LYPD6: variants seen among roughly 807,000 people sequenced by gnomAD.
LYPD6 encodes the protein ly6/PLAUR domain-containing protein 6.
A neutral mutation model predicts 22.7 loss-of-function variants in LYPD6; 15 were observed. The observed-to-expected ratio is 0.66, with a 90% CI of 0.44 to 1.02. The LOEUF (loss-of-function observed/expected upper bound fraction) is 1.02. LYPD6 is among the 50% of genes least tolerant of loss of function. The pLI, the probability that LYPD6 is intolerant of heterozygous loss-of-function variation, is 0.00. For synonymous variants in LYPD6, 72 were observed against 77.5 expected (o/e 0.93, Z 0.37); for missense variants, 189 against 208.4 (o/e 0.91, Z 0.57).
chr2:149,355,516 G>C (rs1681433486), intron 1 of LYPD6, among the ~76,000 whole-genome samples: 1 of 152,076 alleles, frequency 6.6e-6, no homozygotes, highest in African/African-American at 2.4e-5. Context: ...ATGTTATCTT[G>C]AGATTGCATT....
At chr2:149,420,551 A>C (rs1168624559) in intron 1 of LYPD6, among the ~76,000 whole-genome samples, 1 of 152,178 alleles carries the variant, frequency 6.6e-6, no homozygotes, top group Non-Finnish European at 1.5e-5. Flanking sequence ...TTCAAGGGTA[A>C]CACCAGACAA....
chr2:149,452,451 T>A (rs1450765651), intron 3 of LYPD6, among the ~76,000 whole-genome samples: 1 of 152,152 alleles, frequency 6.6e-6, no homozygotes, highest in Non-Finnish European at 1.5e-5. Context: ...AACTCTAGAT[T>A]TTTCTGTTAG....
At chr2:149,421,907 T>C (rs1683089381) in intron 1 of LYPD6, among the ~76,000 whole-genome samples, 1 of 152,174 alleles carries the variant, frequency 6.6e-6, no homozygotes, top group Non-Finnish European at 1.5e-5. Context: ...ACTAATTTGC[T>C]TCACTTCTGC....
At chr2:149,438,825 T>C (rs1203345523) in intron 2 of LYPD6, among the ~76,000 whole-genome samples, 3 of 152,208 alleles carry the variant, frequency 2.0e-5, no homozygotes. Context: ...GGGCTTGGAG[T>C]CCACCTGACC....
intron 1 of LYPD6, among the ~76,000 whole-genome samples, chr2:149,412,361 CTT>C (rs199667102): frequency 7.0e-6 from 1 of 142,622 alleles, no homozygotes; most frequent in African/African-American, 2.6e-5. Context: ...AATTTTATTT[CTT>C]TTTTTTTTTT....
At chr2:149,353,193 G>A (rs16826894) in intron 1 of LYPD6, among the ~76,000 whole-genome samples, 24,341 of 152,194 alleles carry the variant, frequency 0.16, 2,700 homozygotes, top group East Asian at 0.57. Flanking sequence ...GAAAATGCTC[G>A]TGAAGTTCAA....
intron 1 of LYPD6, among the ~76,000 whole-genome samples, chr2:149,393,537 T>C (rs1003380162): frequency 2.6e-5 from 4 of 152,264 alleles, no homozygotes; most frequent in African/African-American, 2.4e-5. Flanking sequence ...CCCACTGAGT[T>C]AGGGGGCATA....
At chr2:149,369,190 G>A (rs538902185) in intron 1 of LYPD6, among the ~76,000 whole-genome samples, 1 of 152,112 alleles carries the variant, frequency 6.6e-6, no homozygotes, top group African/African-American at 2.4e-5. Flanking sequence ...AGGTTCCCGG[G>A]GTTACAGGCC....
At position 149,472,526 on chromosome 2, in the gene LYPD6, T is replaced by A. The variant is rs928811812; in HGVS notation, c.*1676T>A. The A allele has an allele frequency of 6.6e-6, 1 of 152,634 alleles. No individual in the cohort carries two copies. The highest frequency in any genetic ancestry group is 1.5e-5 in the Non-Finnish European group (1 of 68,038). 9.5% of individuals were successfully genotyped at this position (152,634 alleles called of 1,614,324 possible). A position where few individuals can be genotyped will look rare whatever the true frequency, so the allele number is the denominator to read the frequency against. ...ACTCCCTCAGGGACTAAATATGAAC[T>A]GACAGCAGTAACTCTGATACAGAAT... is the stretch of plus-strand genomic sequence containing the variant. On this transcript the variant is annotated 3_prime_UTR_variant, in exon 5 of 5. Coordinates refer to ENST00000334166, the MANE Select transcript of LYPD6 (RefSeq NM_194317.5).
chr2:149,443,023 AG>A (rs2105156320), intron 2 of LYPD6, among the ~76,000 whole-genome samples: 1 of 152,340 alleles, frequency 6.6e-6, no homozygotes, highest in South Asian at 2.1e-4. Context: ...AAAGAATTTA[AG>A]CAAAGCTTCA....
In LYPD6 at chr2:149,401,541, T is replaced by C. The variant is rs142600420; in HGVS notation, c.-71-36097T>C. Among the ~76,000 whole-genome samples the C allele has an allele frequency of 8.9e-3, 1,362 of 152,348 alleles. 18 individuals are homozygous for C. Among genetic ancestry groups the C allele is most frequent in the African/African-American group, 0.03 (1,237 of 41,588 alleles). On this transcript the variant is annotated intron_variant, in intron 1 of 4. Coordinates refer to ENST00000334166, the MANE Select transcript of LYPD6 (RefSeq NM_194317.5). ...CATTCTTCGAGCATTGATGGTACTC[T>C]GTATCCACACATCTCATATTCCCTG...
chr2:149,450,819 A>G (rs1437772664), intron 3 of LYPD6, among the ~76,000 whole-genome samples: 1 of 152,252 alleles, frequency 6.6e-6, no homozygotes, highest in Non-Finnish European at 1.5e-5. Context: ...TAAATGGTCC[A>G]GCTAGGCATA....
At chr2:149,463,899 C>T (rs763652494) in intron 3 of LYPD6, among the ~76,000 whole-genome samples, 1 of 151,858 alleles carries the variant, frequency 6.6e-6, no homozygotes, top group Non-Finnish European at 1.5e-5. Context: ...GAGGATGTGA[C>T]TATAAAAGGT....
At chr2:149,417,077 C>G (rs1682980846) in intron 1 of LYPD6, among the ~76,000 whole-genome samples, 1 of 152,168 alleles carries the variant, frequency 6.6e-6, no homozygotes, top group African/African-American at 2.4e-5. Flanking sequence ...TATGACTGGG[C>G]ATGCCCAATA....
intron 1 of LYPD6, among the ~76,000 whole-genome samples, chr2:149,420,230 G>A (rs1683049676): frequency 6.6e-6 from 1 of 152,190 alleles, no homozygotes; most frequent in Non-Finnish European, 1.5e-5. Flanking sequence ...CACTGCAAAC[G>A]AGGACATTGA....
At position 149,437,673 on chromosome 2, in the gene LYPD6, C is replaced by T. The variant is rs1239148262; in HGVS notation, c.-36C>T. On this transcript the variant is annotated 5_prime_UTR_variant, in exon 2 of 5. Transcript: ENST00000334166. ...TCTCCTGTTGCCCTGAGTGCCCACT[C>T]CCAGGCCCTCTGTATGAGTGACACT... 1 of 1,612,462 alleles carries T rather than the reference C, an allele frequency of 6.2e-7. No individual in the cohort carries two copies. Among genetic ancestry groups the T allele is most frequent in the East Asian group, 2.2e-5 (1 of 44,866 alleles).
intron 1 of LYPD6, among the ~76,000 whole-genome samples, chr2:149,359,014 T>C (rs991899143): frequency 4.6e-5 from 7 of 152,204 alleles, no homozygotes; most frequent in Non-Finnish European, 1.0e-4. Flanking sequence ...AAAAATATAC[T>C]TACGTCCTCC....
At chr2:149,449,195 G>T in intron 3 of LYPD6, 48 bp downstream of exon 3, 1 of 1,303,104 alleles carries the variant, frequency 7.7e-7, no homozygotes, top group South Asian at 1.3e-5. Context: ...GTCCGTGAGT[G>T]AACAGCCCTT....
intron 1 of LYPD6, among the ~76,000 whole-genome samples, chr2:149,347,290 C>A (rs776418590): frequency 3.9e-5 from 6 of 152,172 alleles, no homozygotes; most frequent in Non-Finnish European, 8.8e-5. Context: ...TCCCAAAGGT[C>A]CCATCTCCAA....
Sources: gnomAD v4.1 joint callset for allele counts (sites outside exome capture counted in the v4.1 genomes callset) on GRCh38, gnomAD v4.1.1 for gene constraint, MANE v1.5 for transcripts, NCBI Gene and HGNC (gene_info 2026-07-23, HGNC 2026-07-21) for gene names.